The following CENPF variants were observed in gnomAD, a reference collection of about 807,000 sequenced individuals.
CENPF encodes the protein centromere protein F, also known as AH antigen.
In CENPF, 214 loss-of-function variants were observed where a neutral mutation model predicts 307.3. That is an observed-to-expected ratio of 0.70 (90% CI 0.62 to 0.78). The LOEUF (loss-of-function observed/expected upper bound fraction) is 0.78, where lower values mean the gene tolerates loss of function less well. Ranked by LOEUF, CENPF falls within the 30% of genes least tolerant of loss-of-function variation. The pLI, the probability that CENPF is intolerant of heterozygous loss-of-function variation, is 0.00. For missense variants in CENPF, 3,401 were observed against 3,483.9 expected (o/e 0.98, Z 0.60); for synonymous variants, 1,259 against 1,270.6 (o/e 0.99, Z 0.19).
In CENPF at chr1:214,629,171, G is replaced by C. The variant is rs1375148597; in HGVS notation, c.1194G>C (p.Glu398Asp). The change falls in exon 8 of 20, where the codon GAG becomes GAC. Residue 398 changes from glutamate to aspartate, a missense_variant and splice_region_variant. Physicochemically the swap from Glu to Asp is conservative, Grantham distance 45. Transcript: ENST00000366955. ...AGGAAAAAGAAAAGGAGTTTCAAGAGGTAAGGTAAATGGATTCATGAGGTG... is the reference window on the plus strand; with the variant it reads ...AGGAAAAAGAAAAGGAGTTTCAAGACGTAAGGTAAATGGATTCATGAGGTG... Reference protein sequence around the residue: ...KIKEKEKEFQEELSRQQRSFQ... With the variant: ...KIKEKEKEFQDELSRQQRSFQ... 1 of 1,604,024 alleles carries C rather than the reference G, an allele frequency of 6.2e-7. No individual in the cohort carries two copies. Among genetic ancestry groups the C allele is most frequent in the African/African-American group, 1.4e-5 (1 of 74,008 alleles).
intron 11 of CENPF, among the ~76,000 whole-genome samples, chr1:214,639,025 A>G (rs950235999): frequency 1.3e-5 from 2 of 152,220 alleles, no homozygotes; most frequent in Admixed American, 6.5e-5. Flanking sequence ...GCCCTTAACT[A>G]TAAGTAGGTA....
At position 214,622,085 on chromosome 1, in the gene CENPF, G is replaced by A. The variant is rs1657520822; in HGVS notation, c.872G>A (p.Arg291Lys). Residue 291 changes from arginine (R) to lysine (K), a missense_variant, in exon 7 of 20, where the codon AGA (arginine) becomes AAA (lysine). Coordinates refer to ENST00000366955, the MANE Select transcript of CENPF (RefSeq NM_016343.4). ...TTTTTGTTTGTGGTTCAAGAGCTAA[G>A]AAACAAGATTAATGAGTTGGAACTA... is the stretch of plus-strand genomic sequence containing the variant. ...DQLKAQNQELRNKINELELRL... is the reference protein window; with the variant it reads ...DQLKAQNQELKNKINELELRL... 6.2e-7 allele frequency: 1 copy of A among 1,612,524 alleles called. No individual in the cohort carries two copies. The highest frequency in any genetic ancestry group is 8.5e-7 in the Non-Finnish European group (1 of 1,179,522).
At chr1:214,604,962 T>C (rs1212323844) in intron 1 of CENPF, among the ~76,000 whole-genome samples, 1 of 152,250 alleles carries the variant, frequency 6.6e-6, no homozygotes, top group African/African-American at 2.4e-5. Flanking sequence ...TCTTAGTACT[T>C]TCATGAACTG....
In CENPF at chr1:214,622,263, C is replaced by T. The variant is rs113096414; in HGVS notation, c.1050C>T (p.Tyr350=). 1.0e-4 allele frequency: 165 copies of T among 1,611,486 alleles called. No homozygotes were observed. In the African/African-American group the frequency reaches 1.7e-3, roughly 17 times the overall value. ...RDELVRTTAQ[Y]DQASTKYTAL... Reference sequence around the variant, plus strand: ...AACTAGTGAGAACAACAGCACAATACGACCAGGCGTCAACCAAGGTACTTG... The same window carrying T: ...AACTAGTGAGAACAACAGCACAATATGACCAGGCGTCAACCAAGGTACTTG... The change falls in exon 7 of 20, where the codon TAC becomes TAT. Residue 350 remains tyrosine, a synonymous_variant. Coordinates refer to ENST00000366955, the MANE Select transcript of CENPF (RefSeq NM_016343.4).
chr1:214,619,259 A>G (rs1419581283), intron 5 of CENPF, 39 bp downstream of exon 5: 1 of 981,364 alleles, frequency 1.0e-6, no homozygotes, highest in Non-Finnish European at 1.6e-6. Flanking sequence ...GTATGCAGTT[A>G]TAGAATACTT....
At chr1:214,658,791 T>C (rs1571730552) in intron 18 of CENPF, 59 bp from the exon 19 acceptor site, 2 of 1,536,532 alleles carry the variant, frequency 1.3e-6, no homozygotes, top group Non-Finnish European at 1.8e-6. Flanking sequence ...ATGAATATCT[T>C]TTCCACTGTA....
intron 10 of CENPF, among the ~76,000 whole-genome samples, chr1:214,635,824 T>C (rs989794511): frequency 1.3e-5 from 2 of 152,174 alleles, no homozygotes; most frequent in East Asian, 3.9e-4. Flanking sequence ...CAGACATGGA[T>C]CGAGACCAAC....
rs760007414 is a variant in CENPF at position 214,642,290 on chromosome 1, G to A, written c.3952G>A (p.Val1318Ile). The A allele has an allele frequency of 1.1e-5, 18 of 1,613,570 alleles. No homozygotes were observed. In the Admixed American group the frequency reaches 2.2e-4, roughly 19 times the overall value. ...EILQAEKYEL[V>I]TELNDSRSEC... The stretch of plus-strand genomic sequence containing the variant: ...ACTGCAGGCTGAAAAGTATGAACTC[G>A]TAACTGAGCTGAATGATTCAAGGTC... The change falls in exon 12 of 20, where the codon GTA becomes ATA. Residue 1318 changes from valine to isoleucine, a missense_variant. Physicochemically the swap from Val to Ile is conservative, Grantham distance 29. Coordinates refer to ENST00000366955, the MANE Select transcript of CENPF (RefSeq NM_016343.4).
chr1:214,647,945 G>A (rs200541067), intron 13 of CENPF: 1 of 494,354 alleles, frequency 2.0e-6, no homozygotes, highest in South Asian at 1.5e-5. Flanking sequence ...CCTTCTCTTT[G>A]TGCAGTCTTC....
intron 16 of CENPF, among the ~76,000 whole-genome samples, chr1:214,654,869 C>T (rs1205205262): frequency 6.6e-6 from 1 of 152,150 alleles, no homozygotes; most frequent in Non-Finnish European, 1.5e-5. Context: ...AGTGTGATTA[C>T]AAATGGGAAC....
In CENPF at chr1:214,639,246, T is replaced by A. The variant is rs556183671; in HGVS notation, c.1583-675T>A. Among the ~76,000 whole-genome samples the A allele has an allele frequency of 9.9e-5, 15 of 152,196 alleles. 1 individual carries two copies. In the South Asian group the frequency reaches 3.1e-3, roughly 32 times the overall value. On this transcript the variant is annotated intron_variant, in intron 11 of 19. Coordinates refer to ENST00000366955, the MANE Select transcript of CENPF (RefSeq NM_016343.4). Reference sequence around the variant, plus strand: ...GGAGGGGCCAGTATGTATAGATGAGTCATTAGGCAGAAGACAGGGGGTAAC... The same window carrying A: ...GGAGGGGCCAGTATGTATAGATGAGACATTAGGCAGAAGACAGGGGGTAAC...
intron 17 of CENPF, among the ~76,000 whole-genome samples, chr1:214,656,394 A>G (rs1350419195): frequency 6.6e-6 from 1 of 152,184 alleles, no homozygotes; most frequent in Admixed American, 6.5e-5. Context: ...GGCAGCTACA[A>G]GTTGACCAAG....
At chr1:214,609,080 A>C (rs1298542321) in intron 1 of CENPF, among the ~76,000 whole-genome samples, 1 of 151,224 alleles carries the variant, frequency 6.6e-6, no homozygotes, top group African/African-American at 2.4e-5. Flanking sequence ...TGGGAAGCCC[A>C]CCCCGGCCCG....
In CENPF at chr1:214,642,045, A is replaced by C. The variant is rs1419011028; in HGVS notation, c.3707A>C (p.His1236Pro). ...GAGAAGGAGAAGGAGTGCCTGCAGC[A>C]TGAATTACAGACAATTAGAGGAGAT... ...ESEKEKECLQHELQTIRGDLE... is the reference protein window; with the variant it reads ...ESEKEKECLQPELQTIRGDLE... The change falls in exon 12 of 20, where the codon CAT (histidine) becomes CCT (proline). Residue 1236 changes from histidine to proline, a missense_variant. By Grantham distance (77) the His-to-Pro change is moderately conservative. Transcript: ENST00000366955. 1 of 1,610,586 alleles carries C rather than the reference A, an allele frequency of 6.2e-7. No homozygotes were observed. The highest frequency in any genetic ancestry group is 8.5e-7 in the Non-Finnish European group (1 of 1,179,170).
rs996788811 is a variant in CENPF at position 214,658,211 on chromosome 1, T to G, written c.8963-639T>G. On this transcript the variant is annotated intron_variant, in intron 18 of 19. Transcript: ENST00000366955. ...GAAAAAAACAAAAACAAATGCTGCT[T>G]TAGTTAGCCCTGAATGCAGTTCTGG... is the stretch of plus-strand genomic sequence containing the variant. Among the ~76,000 whole-genome samples the G allele has an allele frequency of 5.9e-5, 9 of 152,298 alleles. No homozygotes were observed. The East Asian group carries it at 1.7e-3, about 29-fold the overall frequency.
chr1:214,623,852 T>C (rs1657580917), intron 7 of CENPF, among the ~76,000 whole-genome samples: 1 of 152,170 alleles, frequency 6.6e-6, no homozygotes, highest in Admixed American at 6.5e-5. Context: ...GATAGTATGG[T>C]ATATGGTAAT....
At chr1:214,652,774 C>G in intron 15 of CENPF, 54 bp from the exon 16 acceptor site, 1 of 1,434,906 alleles carries the variant, frequency 7.0e-7, no homozygotes, top group Non-Finnish European at 9.4e-7. Context: ...TTTTTTTTAG[C>G]TGTGCCTCCT....
rs772391567 is a variant in CENPF, at chr1:214,645,484, A to G, written c.5914A>G (p.Lys1972Glu). The change falls in exon 13 of 20, where the codon AAA becomes GAA. Residue 1972 changes from lysine (K) to glutamate (E), a missense_variant. Coordinates refer to ENST00000366955, the MANE Select transcript of CENPF (RefSeq NM_016343.4). ...QLRGELDTMS[K>E]KTTALDQLSE... ...TCGTGGAGAATTAGATACTATGTCAAAAAAAACCACGGCACTGGATCAGTT... is the reference window on the plus strand; with the variant it reads ...TCGTGGAGAATTAGATACTATGTCAGAAAAAACCACGGCACTGGATCAGTT... 5.0e-6 allele frequency: 8 copies of G among 1,613,886 alleles called. No individual in the cohort carries two copies. The highest frequency in any genetic ancestry group is 6.8e-6 in the Non-Finnish European group (8 of 1,179,982).
At chr1:214,613,943 G>A in intron 2 of CENPF, 27 bp downstream of exon 2, 1 of 1,583,188 alleles carries the variant, frequency 6.3e-7, no homozygotes, top group Non-Finnish European at 8.6e-7. Context: ...GGTATTTGTA[G>A]CTGTTCACTC....
Sources: gnomAD v4.1 joint callset for allele counts (sites outside exome capture counted in the v4.1 genomes callset) on GRCh38, gnomAD v4.1.1 for gene constraint, MANE v1.5 for transcripts, NCBI Gene and HGNC (gene_info 2026-07-23, HGNC 2026-07-21) for gene names.